The following C1QBP variants were observed in gnomAD, a reference collection of about 807,000 sequenced individuals.
The protein encoded by C1QBP is complement component 1 Q subcomponent-binding protein, mitochondrial.
Under a neutral mutation model 29.4 loss-of-function variants are expected in C1QBP, and 24 were observed. The ratio of observed to expected loss-of-function variants is 0.82; its 90% CI spans 0.59 to 1.15. The LOEUF is 1.15. C1QBP is among the 50% of genes most tolerant of loss of function. The pLI is 0.00. For missense variants in C1QBP, 337 were observed against 355.8 expected, an observed-to-expected ratio of 0.95 and a Z score of 0.43; for synonymous variants, 182 against 149.2, an observed-to-expected ratio of 1.22 and a Z score of -1.60.
intron 1 of C1QBP, 122 bp downstream of exon 1, chr17:5,438,720 C>T: frequency 6.5e-7 from 1 of 1,538,648 alleles, no homozygotes; most frequent in Non-Finnish European, 8.8e-7. Flanking sequence ...TGGGTTTAGC[C>T]CGCTGGTTGC....
intron 1 of C1QBP, 103 bp downstream of exon 1, chr17:5,438,739 G>A (rs1268631780): frequency 1.3e-6 from 2 of 1,541,134 alleles, no homozygotes; most frequent in Admixed American, 2.0e-5. Context: ...GCCAATCAAT[G>A]GAAAAATGTC....
chr17:5,436,379 A>G (rs1049854001), intron 2 of C1QBP, among the ~76,000 whole-genome samples: 4 of 151,520 alleles, frequency 2.6e-5, no homozygotes, highest in African/African-American at 4.9e-5. Flanking sequence ...CACCATATTC[A>G]AAATGAATCA....
chr17:5,438,370 C>T (rs1169679485), intron 1 of C1QBP, 97 bp from the exon 2 acceptor site: 8 of 1,394,086 alleles, frequency 5.7e-6, no homozygotes, highest in Non-Finnish European at 7.7e-6. Context: ...TGGACTGTTT[C>T]TAATCTCTCT....
At chr17:5,436,739 G>T (rs1916281069) in intron 2 of C1QBP, among the ~76,000 whole-genome samples, 1 of 151,946 alleles carries the variant, frequency 6.6e-6, no homozygotes, top group Non-Finnish European at 1.5e-5. Context: ...AGGTAAATAG[G>T]GTGGGCAGGG....
At chr17:5,434,723 C>A in intron 3 of C1QBP, 150 bp downstream of exon 3, 1 of 586,142 alleles carries the variant, frequency 1.7e-6, no homozygotes, top group Non-Finnish European at 3.0e-6. Context: ...GTCTCGGCCT[C>A]CCAAAGTGCT....
Position 5,439,100 on chromosome 17 carries a change from G to GATT in C1QBP, c.-28_-27insAAT. On this transcript the variant is annotated 5_prime_UTR_variant, in exon 1 of 6. Transcript: ENST00000225698. The stretch of plus-strand genomic sequence containing the variant: ...GCGGAAACGACTGCGAACACGTGCA[G>GATT]ATGCAAAGGACAACCCAGGCCTAGG... 1 of 1,540,228 alleles carries GATT rather than the reference G, an allele frequency of 6.5e-7. No individual in the cohort carries two copies. Among genetic ancestry groups the GATT allele is most frequent in the African/African-American group, 1.4e-5 (1 of 71,768 alleles).
chr17:5,434,661 T>C, intron 3 of C1QBP: 1 of 346,266 alleles, frequency 2.9e-6, no homozygotes, highest in South Asian at 3.5e-5. Flanking sequence ...AGAGACGGGG[T>C]TTCACCATGT....
At chr17:5,437,771 T>C (rs1276975898) in intron 2 of C1QBP, among the ~76,000 whole-genome samples, 3 of 152,234 alleles carry the variant, frequency 2.0e-5, no homozygotes, top group Non-Finnish European at 2.9e-5. Context: ...CTTACTACAG[T>C]GTAACCCCAT....
chr17:5,437,594 A>G (rs997724807), intron 2 of C1QBP, among the ~76,000 whole-genome samples: 1 of 152,196 alleles, frequency 6.6e-6, no homozygotes, highest in Non-Finnish European at 1.5e-5. Flanking sequence ...TATGGGTGTG[A>G]GCCACCGCGC....
intron 5 of C1QBP, 23 bp from the exon 6 acceptor site, chr17:5,433,187 G>GT (rs1171504834): frequency 1.2e-6 from 2 of 1,606,174 alleles, no homozygotes; most frequent in East Asian, 2.2e-5. Context: ...ATATTTACTA[G>GT]TTAAAAAAAA....
At position 5,433,253 on chromosome 17, in the gene C1QBP, CCAAGGCCCAAAAGGTTCCCCCACCTTAT is replaced by C; in HGVS notation, c.699+12_699+39del. 6.2e-7 allele frequency: 1 copy of C among 1,613,290 alleles called. No individual in the cohort carries two copies. On this transcript the variant is annotated intron_variant, in intron 5 of 5. Coordinates refer to ENST00000225698, the MANE Select transcript of C1QBP (RefSeq NM_001212.4). ...TCCCCTTGAACTAGGACCCTTCCTTCCAAGGCCCAAAAGGTTCCCCCACCTTATCAAGCACTCACCCAGTCCAAGGAAT... is the reference window on the plus strand; with the variant it reads ...TCCCCTTGAACTAGGACCCTTCCTTCCAAGCACTCACCCAGTCCAAGGAAT...
In C1QBP at chr17:5,439,036, C is replaced by T; in HGVS notation, c.38G>A (p.Gly13Asp). Residue 13 changes from glycine to aspartate, a missense_variant, in exon 1 of 6, where the codon GGC (glycine) becomes GAC (aspartate). By Grantham distance (94) the Gly-to-Asp change is moderately conservative (BLOSUM62 -1). Transcript: ENST00000225698. Reference protein sequence around the residue: ...PLLRCVPRVLGSSVAGLRAAA... With the variant: ...PLLRCVPRVLDSSVAGLRAAA... The stretch of plus-strand genomic sequence containing the variant: ...AGCGCGGAGGCCGGCGACGGAGGAG[C>T]CCAGCACACGGGGCACGCAGCGCAG... 6.6e-7 allele frequency: 1 copy of T among 1,523,772 alleles called. No homozygotes were observed. The highest frequency in any genetic ancestry group is 2.7e-5 in the East Asian group (1 of 37,154). 94.4% of individuals were successfully genotyped at this position (1,523,772 alleles called of 1,614,324 possible).
At chr17:5,434,319 T>C (rs1472716601) in intron 3 of C1QBP, among the ~76,000 whole-genome samples, 1 of 152,184 alleles carries the variant, frequency 6.6e-6, no homozygotes, top group Non-Finnish European at 1.5e-5. Flanking sequence ...CCCAACACTG[T>C]ACTGATGGCT....
chr17:5,433,731 C>T lies in C1QBP; in HGVS notation c.514G>A (p.Val172Ile). The change falls in exon 4 of 6, where the codon GTT (valine) becomes ATT (isoleucine). Residue 172 changes from valine (V) to isoleucine (I), a missense_variant. Physicochemically the swap from Val to Ile is conservative, Grantham distance 29. Coordinates refer to ENST00000225698, the MANE Select transcript of C1QBP (RefSeq NM_001212.4). ...TTCTTGCCATCATCATTCTTTATAA[C>T]TTCAACCACGAAATTGGGAGTTGAT... ...LTSTPNFVVE[V>I]IKNDDGKKAL... 1.9e-6 allele frequency: 3 copies of T among 1,614,222 alleles called. No homozygotes were observed. The highest frequency in any genetic ancestry group is 2.5e-6 in the Non-Finnish European group (3 of 1,180,050).
rs138901080 is a variant in C1QBP, at chr17:5,435,681, G to C, written c.384-715C>G. 3.8e-3 allele frequency among the ~76,000 whole-genome samples: 571 copies of C among 152,126 alleles called. 4 individuals are homozygous for C. Among genetic ancestry groups the C allele is most frequent in the African/African-American group, 0.012 (488 of 41,502 alleles). The stretch of plus-strand genomic sequence containing the variant: ...TTGAGTCAAAATTCTTGGGACATAA[G>C]GTTTAGAACCAAAACTGCTGGGCTA... On this transcript the variant is annotated intron_variant, in intron 2 of 5. Transcript: ENST00000225698.
At position 5,438,144 on chromosome 17, in the gene C1QBP, A is replaced by C. The variant is rs770797466; in HGVS notation, c.362T>G (p.Val121Gly). The C allele has an allele frequency of 3.6e-5, 58 of 1,612,484 alleles. No homozygotes were observed. Among genetic ancestry groups the C allele is most frequent in the Non-Finnish European group, 4.8e-5 (57 of 1,179,986 alleles). Residue 121 changes from valine to glycine, a missense_variant, in exon 2 of 6, where the codon GTG (valine) becomes GGG (glycine). By Grantham distance (109) the Val-to-Gly change is moderately radical. Transcript: ENST00000225698. ...TTACTTTTCCCCGGCAACTTTCCGC[A>C]CTAATTTCGCTTCTGTCCCATTCAG... ...LELNGTEAKL[V>G]RKVAGEKITV...
At chr17:5,434,850 A>G (rs1286078151) in intron 3 of C1QBP, 23 bp downstream of exon 3, 1 of 1,593,068 alleles carries the variant, frequency 6.3e-7, no homozygotes, top group Admixed American at 1.7e-5. Flanking sequence ...CTGAGGTAAA[A>G]GCTGATTATA....
intron 2 of C1QBP, among the ~76,000 whole-genome samples, chr17:5,437,621 A>G (rs536831036): frequency 4.2e-4 from 64 of 152,334 alleles, no homozygotes; most frequent in African/African-American, 1.3e-3. Context: ...TCAATTTAAA[A>G]ACCTGGAAGA....
intron 4 of C1QBP, 104 bp downstream of exon 4, chr17:5,433,565 A>G: frequency 1.2e-5 from 18 of 1,526,374 alleles, no homozygotes; most frequent in Non-Finnish European, 1.6e-5. Context: ...GGCTGGTCTA[A>G]GCTAGAAAAG....
Sources: allele counts gnomAD v4.1 joint callset (sites outside exome capture counted in the v4.1 genomes callset), GRCh38; gene constraint gnomAD v4.1.1; transcripts MANE v1.5; gene names NCBI Gene and HGNC (gene_info 2026-07-23, HGNC 2026-07-21).